Variants in ATRN observed in about 807,000 individuals in gnomAD.
ATRN encodes attractin, also known as attractin-2.
A neutral mutation model predicts 178.7 loss-of-function variants in ATRN; 54 were observed. The ratio of observed to expected loss-of-function variants is 0.30; its 90% CI spans 0.24 to 0.38. The LOEUF is 0.38. Ranked by LOEUF, ATRN falls within the 10% of genes least tolerant of loss-of-function variation. The pLI is 1.00. For missense variants in ATRN, 1,443 were observed against 1,815.1 expected (o/e 0.79, Z 3.73); for synonymous variants, 636 against 663.0 (o/e 0.96, Z 0.63).
At chr20:3,628,945 T>C (rs1260172363) in intron 25 of ATRN, 24 of 985,254 alleles carry the variant, frequency 2.4e-5, no homozygotes, top group Non-Finnish European at 2.8e-5. Flanking sequence ...CTGACTGGAC[T>C]CTGCCTTCCC....
chr20:3,489,774 G>A (rs2084758303), intron 1 of ATRN: 9 of 1,376,604 alleles, frequency 6.5e-6, no homozygotes, highest in Non-Finnish European at 9.3e-6. Flanking sequence ...TCACTGGAAG[G>A]CTTTGCGCCC....
chr20:3,507,728 C>G (rs1355379297), intron 1 of ATRN, among the ~76,000 whole-genome samples: 1 of 124,570 alleles, frequency 8.0e-6, no homozygotes, highest in Non-Finnish European at 1.6e-5. Flanking sequence ...GAGACAGAGT[C>G]TTGCTCTGTT....
chr20:3,489,556 C>G (rs1284626148), intron 1 of ATRN: 3 of 1,480,896 alleles, frequency 2.0e-6, no homozygotes, highest in African/African-American at 2.8e-5. Context: ...TTTTCAGATC[C>G]TCATATGTCT....
intron 1 of ATRN, among the ~76,000 whole-genome samples, chr20:3,498,021 A>G (rs951968676): frequency 6.6e-6 from 1 of 152,342 alleles, no homozygotes; most frequent in African/African-American, 2.4e-5. Context: ...TCCCACAGAA[A>G]TACAAACTAC....
At chr20:3,546,470 C>A (rs2085704115) in intron 4 of ATRN, among the ~76,000 whole-genome samples, 1 of 146,914 alleles carries the variant, frequency 6.8e-6, no homozygotes, top group Admixed American at 7.1e-5. Flanking sequence ...CGGATCACTG[C>A]AACCTCCACC....
Position 3,572,872 on chromosome 20 carries a change from G to T in ATRN, c.2013G>T (p.Gly671=). 6.2e-7 allele frequency: 1 copy of T among 1,613,936 alleles called. No homozygotes were observed. Among genetic ancestry groups the T allele is most frequent in the Non-Finnish European group, 8.5e-7 (1 of 1,179,982 alleles). The change falls in exon 12 of 29, where the codon GGG becomes GGT. Residue 671 remains glycine, a synonymous_variant. Transcript: ENST00000262919. ...GTATTCGGTGTGTGTGGAACACAGGGTCGTCTCAGTGTATCTCGTGGGCGC... is the reference window on the plus strand; with the variant it reads ...GTATTCGGTGTGTGTGGAACACAGGTTCGTCTCAGTGTATCTCGTGGGCGC... ...GPGIRCVWNT[G]SSQCISWALA...
chr20:3,552,303 G>A (rs756124762), intron 6 of ATRN, among the ~76,000 whole-genome samples: 19 of 152,072 alleles, frequency 1.2e-4, no homozygotes, highest in Non-Finnish European at 2.4e-4. Context: ...TTGCAGCCTA[G>A]ACTTTTTACC....
chr20:3,517,984 T>A (rs1288475826), intron 1 of ATRN, among the ~76,000 whole-genome samples: 1 of 152,218 alleles, frequency 6.6e-6, no homozygotes, highest in Non-Finnish European at 1.5e-5. Flanking sequence ...CATTGCTACT[T>A]ATCTATATTG....
At chr20:3,590,814 T>C (rs1248938483) in intron 18 of ATRN, among the ~76,000 whole-genome samples, 1 of 152,166 alleles carries the variant, frequency 6.6e-6, no homozygotes, top group Admixed American at 6.5e-5. Context: ...GAAGAAAATA[T>C]ATCAAATGTG....
At chr20:3,507,323 T>C (rs2085059148) in intron 1 of ATRN, among the ~76,000 whole-genome samples, 1 of 150,692 alleles carries the variant, frequency 6.6e-6, no homozygotes, top group Non-Finnish European at 1.5e-5. Context: ...GGCAGAGAAT[T>C]GTTTAAACCC....
intron 25 of ATRN, among the ~76,000 whole-genome samples, chr20:3,628,312 A>G (rs906400764): frequency 4.6e-5 from 7 of 152,218 alleles, no homozygotes; most frequent in African/African-American, 1.7e-4. Context: ...TAATGGAACA[A>G]CATAAAAAGT....
At chr20:3,496,816 C>T (rs1272903392) in intron 1 of ATRN, among the ~76,000 whole-genome samples, 1 of 150,888 alleles carries the variant, frequency 6.6e-6, no homozygotes, top group Admixed American at 6.6e-5. Context: ...GTAGGTCGCT[C>T]AGGACTTGCT....
chr20:3,490,693 T>C (rs1267389623), intron 1 of ATRN: 16 of 806,400 alleles, frequency 2.0e-5, no homozygotes, highest in African/African-American at 6.7e-5. Context: ...TCCTCAAATT[T>C]CACTGACATT....
chr20:3,486,370 G>T (rs759992711), intron 1 of ATRN, among the ~76,000 whole-genome samples: 3 of 141,768 alleles, frequency 2.1e-5, no homozygotes, highest in Non-Finnish European at 3.1e-5. Context: ...TTTCCTTCTG[G>T]TTGTTTTTCT....
intron 12 of ATRN, among the ~76,000 whole-genome samples, 169 bp downstream of exon 12, chr20:3,573,120 T>G (rs901613688): frequency 3.3e-5 from 5 of 152,222 alleles, no homozygotes; most frequent in African/African-American, 4.8e-5. Context: ...TTTGTAAACA[T>G]CTCGGATGGG....
intron 24 of ATRN, among the ~76,000 whole-genome samples, chr20:3,607,516 C>T (rs1430897635): frequency 3.3e-5 from 5 of 152,144 alleles, no homozygotes. Context: ...ACATAATGAC[C>T]TCCAGTTCCA....
intron 18 of ATRN, among the ~76,000 whole-genome samples, chr20:3,586,232 A>G (rs1433798323): frequency 6.6e-6 from 1 of 152,260 alleles, no homozygotes; most frequent in South Asian, 2.1e-4. Context: ...ATATTCATAC[A>G]GTGTAATGTT....
chr20:3,506,083 C>A (rs148677130), intron 1 of ATRN, among the ~76,000 whole-genome samples: 1 of 151,722 alleles, frequency 6.6e-6, no homozygotes, highest in Non-Finnish European at 1.5e-5. Context: ...CATACACATA[C>A]ACACACACAC....
chr20:3,573,552 C>A (rs1458348153), intron 12 of ATRN, among the ~76,000 whole-genome samples: 1 of 151,868 alleles, frequency 6.6e-6, no homozygotes, highest in Admixed American at 6.6e-5. Flanking sequence ...TTTTGTCTAG[C>A]GTCTCTAGTT....
Sources: allele counts gnomAD v4.1 joint callset (sites outside exome capture counted in the v4.1 genomes callset), GRCh38; gene constraint gnomAD v4.1.1; transcripts MANE v1.5; gene names NCBI Gene and HGNC (gene_info 2026-07-23, HGNC 2026-07-21).